Variants in TRPM6 observed in about 807,000 individuals in gnomAD.
TRPM6 encodes the protein channel kinase 2.
A neutral mutation model predicts 247.6 loss-of-function variants in TRPM6; 111 were observed. The observed-to-expected ratio is 0.45, with a 90% CI of 0.38 to 0.52. The LOEUF (loss-of-function observed/expected upper bound fraction) is 0.52. Ranked by LOEUF, TRPM6 falls within the 20% of genes least tolerant of loss-of-function variation. TRPM6 has a pLI of 0.00. For synonymous variants in TRPM6, 892 were observed against 853.8 expected (o/e 1.04, Z -0.78); for missense variants, 2,126 against 2,421.5 (o/e 0.88, Z 2.56).
chr9:74,788,819 G>A, intron 19 of TRPM6, 77 bp from the exon 20 acceptor site: 1 of 1,563,098 alleles, frequency 6.4e-7, no homozygotes. Flanking sequence ...AGATGGAGCA[G>A]AAACCCAGGC....
At chr9:74,796,616 A>G (rs1828108556) in intron 18 of TRPM6, 125 bp downstream of exon 18, 2 of 931,244 alleles carry the variant, frequency 2.1e-6, no homozygotes, top group Non-Finnish European at 3.5e-6. Context: ...ATGTCATCAC[A>G]GGCCTGAAAT....
intron 2 of TRPM6, 141 bp downstream of exon 2, chr9:74,858,528 T>A: frequency 5.1e-6 from 3 of 590,180 alleles, no homozygotes; most frequent in Non-Finnish European, 8.8e-6. Flanking sequence ...ATTATTTTTA[T>A]AAAGTGAAAG....
intron 35 of TRPM6, 121 bp downstream of exon 35, chr9:74,739,246 T>C: frequency 2.0e-6 from 2 of 998,060 alleles, no homozygotes; most frequent in Non-Finnish European, 3.2e-6. Context: ...GAAGGAAGAA[T>C]CCAAAAATAA....
chr9:74,851,239 A>G (rs796880723), intron 3 of TRPM6, among the ~76,000 whole-genome samples: 11 of 152,330 alleles, frequency 7.2e-5, no homozygotes, highest in African/African-American at 2.6e-4. Flanking sequence ...ACTAACAAGT[A>G]CTAAAAGCTC....
chr9:74,803,055 G>T (rs1173152349), intron 15 of TRPM6, among the ~76,000 whole-genome samples: 1 of 151,946 alleles, frequency 6.6e-6, no homozygotes, highest in African/African-American at 2.4e-5. Context: ...TAATTTGAGA[G>T]GTCTTAGCAA....
At chr9:74,806,830 C>G (rs1391650582) in intron 14 of TRPM6, among the ~76,000 whole-genome samples, 1 of 152,186 alleles carries the variant, frequency 6.6e-6, no homozygotes, top group Non-Finnish European at 1.5e-5. Flanking sequence ...CTACTACAGT[C>G]TAGTTTAATA....
intron 7 of TRPM6, among the ~76,000 whole-genome samples, chr9:74,826,244 A>G (rs942241703): frequency 7.2e-5 from 11 of 152,248 alleles, no homozygotes; most frequent in African/African-American, 2.7e-4. Flanking sequence ...ATAAGAAAAC[A>G]GTTGACAGAT....
At chr9:74,874,759 AT>A (rs34812726) in intron 1 of TRPM6, among the ~76,000 whole-genome samples, 11,227 of 143,012 alleles carry the variant, frequency 0.079, 422 homozygotes, top group African/African-American at 0.11. Flanking sequence ...TTGTAATTGT[AT>A]TTTTTTTTTT....
At chr9:74,802,630 A>T (rs1288673144) in intron 15 of TRPM6, among the ~76,000 whole-genome samples, 1 of 152,200 alleles carries the variant, frequency 6.6e-6, no homozygotes, top group Non-Finnish European at 1.5e-5. Flanking sequence ...GATACATGGG[A>T]GTGATGTATT....
chr9:74,881,030 T>G (rs1478787164), intron 1 of TRPM6, among the ~76,000 whole-genome samples: 1 of 152,142 alleles, frequency 6.6e-6, no homozygotes, highest in African/African-American at 2.4e-5. Context: ...CGTGGTAGCT[T>G]GCACCTGTAA....
At chr9:74,812,584 A>G in intron 11 of TRPM6, 151 bp from the exon 12 acceptor site, 1 of 787,316 alleles carries the variant, frequency 1.3e-6, no homozygotes, top group East Asian at 2.7e-5. Flanking sequence ...AAAAAAAGGA[A>G]AAAATTTAAA....
chr9:74,773,759 G>T (rs920267589), intron 24 of TRPM6, among the ~76,000 whole-genome samples: 1 of 152,104 alleles, frequency 6.6e-6, no homozygotes, highest in Non-Finnish European at 1.5e-5. Context: ...TAAAATTAAT[G>T]ACAAAAAATC....
At chr9:74,797,214 A>G (rs187211703) in intron 17 of TRPM6, among the ~76,000 whole-genome samples, 48 of 152,352 alleles carry the variant, frequency 3.2e-4, no homozygotes, top group Non-Finnish European at 3.7e-4. Context: ...ATACTGTGCA[A>G]CCATTAAAAA....
intron 9 of TRPM6, among the ~76,000 whole-genome samples, chr9:74,818,440 T>G (rs1024032634): frequency 3.3e-5 from 5 of 151,480 alleles, no homozygotes; most frequent in Non-Finnish European, 5.9e-5. Flanking sequence ...GTAGCTGGGA[T>G]TATAGGCACC....
Position 74,755,404 on chromosome 9 carries a change from C to T in TRPM6, c.4855G>A (p.Glu1619Lys). ...AACCAGTTCTTGCTGTACTCCTCTT[C>T]AGAGATGCTGTTTTCTCCTGGCTCT... ...NPEPGENSIS[E>K]EEYSKNWFTV... The change falls in exon 28 of 39, where the codon GAA becomes AAA. Residue 1619 changes from glutamate (E) to lysine (K), a missense_variant. Physicochemically the swap from Glu to Lys is moderately conservative, Grantham distance 56. This residue lies in a region of TRPM6 where 717 missense variants were observed against 715.9 expected (regional missense o/e 1.00). Coordinates refer to ENST00000360774, the MANE Select transcript of TRPM6 (RefSeq NM_017662.5). The T allele has an allele frequency of 6.2e-7, 1 of 1,614,148 alleles. No individual in the cohort carries two copies. The highest frequency in any genetic ancestry group is 8.5e-7 in the Non-Finnish European group (1 of 1,180,002).
At chr9:74,763,808 A>C (rs1826735522) in intron 25 of TRPM6, among the ~76,000 whole-genome samples, 2 of 152,210 alleles carry the variant, frequency 1.3e-5, no homozygotes, top group South Asian at 2.1e-4. Flanking sequence ...AAAGCAACAC[A>C]ACACATGTTC....
intron 3 of TRPM6, among the ~76,000 whole-genome samples, chr9:74,848,054 C>T (rs1444051155): frequency 6.6e-6 from 1 of 152,100 alleles, no homozygotes; most frequent in Non-Finnish European, 1.5e-5. Flanking sequence ...GGCCCTGTGG[C>T]CATAATTTTG....
Position 74,883,700 on chromosome 9 carries a change from A to G in TRPM6, c.33+4124T>C, listed in dbSNP as rs79934292. ...CAGATCAATATATACAATATGATTC[A>G]ATTTATTTAAAAACACATGCAAAGC... On this transcript the variant is annotated intron_variant, in intron 1 of 38. Transcript: ENST00000360774. Among the ~76,000 whole-genome samples, 568 of 152,320 alleles carry G rather than the reference A, an allele frequency of 3.7e-3. 2 individuals are homozygous for G. Among genetic ancestry groups the G allele is most frequent in the African/African-American group, 0.013 (543 of 41,562 alleles).
At chr9:74,763,797 A>G (rs1826735044) in intron 25 of TRPM6, among the ~76,000 whole-genome samples, 1 of 152,244 alleles carries the variant, frequency 6.6e-6, no homozygotes, top group African/African-American at 2.4e-5. Flanking sequence ...TGATTCATGT[A>G]AAAGCAACAC....
Sources: gnomAD v4.1 joint callset for allele counts (sites outside exome capture counted in the v4.1 genomes callset) on GRCh38, gnomAD v4.1.1 for gene constraint, gnomAD v4.1.1 regional missense constraint, MANE v1.5 for transcripts, NCBI Gene and HGNC (gene_info 2026-07-23, HGNC 2026-07-21) for gene names.